SNTG2: variants seen among roughly 807,000 people sequenced by gnomAD.
The protein encoded by SNTG2 is gamma-2-syntrophin.
A neutral mutation model predicts 70.9 loss-of-function variants in SNTG2; 74 were observed. That is an observed-to-expected ratio of 1.04 (90% confidence interval 0.86 to 1.27). SNTG2 has a LOEUF of 1.27. Among genes scored for constraint, SNTG2 ranks in the 50% most tolerant of loss-of-function variants. The pLI, the probability that SNTG2 is intolerant of heterozygous loss-of-function variation, is 0.00. For synonymous variants in SNTG2, 278 were observed against 273.8 expected, an observed-to-expected ratio of 1.02 and a Z score of -0.15; for missense variants, 717 against 690.7, an observed-to-expected ratio of 1.04 and a Z score of -0.43.
At chr2:1,341,401 C>T (rs985012005) in intron 16 of SNTG2, 2 of 152,204 alleles carry the variant, frequency 1.3e-5, no homozygotes, top group South Asian at 2.1e-4. Flanking sequence ...GGCTGAGGCC[C>T]GAATGCCCTC....
chr2:1,196,227 A>G (rs974772210), intron 8 of SNTG2, among the ~76,000 whole-genome samples: 1 of 152,214 alleles, frequency 6.6e-6, no homozygotes, highest in African/African-American at 2.4e-5. Context: ...AATGGATGAT[A>G]TAAAAAATAC....
intron 14 of SNTG2, among the ~76,000 whole-genome samples, chr2:1,304,152 C>T (rs1418318259): frequency 6.6e-6 from 1 of 152,206 alleles, no homozygotes; most frequent in Admixed American, 6.5e-5. Context: ...AGAAAATAAA[C>T]TACAGACCAA....
chr2:1,061,053 C>T (rs567063283), intron 1 of SNTG2, among the ~76,000 whole-genome samples: 1 of 151,918 alleles, frequency 6.6e-6, no homozygotes, highest in Non-Finnish European at 1.5e-5. Flanking sequence ...CAAACTTCAG[C>T]TGAGGAACAT....
At chr2:1,189,713 A>AT (rs1472974600) in intron 8 of SNTG2, among the ~76,000 whole-genome samples, 3 of 151,730 alleles carry the variant, frequency 2.0e-5, no homozygotes, top group Non-Finnish European at 4.4e-5. Flanking sequence ...CGCCCAGCTA[A>AT]TTTTTTTGTA....
chr2:1,190,305 T>C (rs762958525), intron 8 of SNTG2, among the ~76,000 whole-genome samples: 12 of 152,034 alleles, frequency 7.9e-5, no homozygotes, highest in South Asian at 2.1e-4. Flanking sequence ...TAATCATCTG[T>C]AGATTACTTA....
chr2:1,245,482 A>G lies in SNTG2; in HGVS notation c.889-1845A>G, dbSNP rs140330157. ...GTGTTTGCAATTGTTTTTAGTAACT[A>G]TGCTTCAAATGAATCCTATCTTAAA... On this transcript the variant is annotated intron_variant, in intron 11 of 16. Transcript: ENST00000308624. Among the ~76,000 whole-genome samples, 1,029 of 152,330 alleles carry G rather than the reference A, an allele frequency of 6.8e-3. 9 individuals are homozygous for G. Among genetic ancestry groups the G allele is most frequent in the Non-Finnish European group, 0.011 (739 of 68,030 alleles).
intron 9 of SNTG2, among the ~76,000 whole-genome samples, chr2:1,232,765 TTTAAA>T (rs1461401942): frequency 2.0e-5 from 3 of 152,318 alleles, no homozygotes; most frequent in Admixed American, 6.5e-5. Context: ...CAGAGACAGT[TTTAAA>T]ATAAAATATG....
chr2:1,272,867 G>A (rs1679110172), intron 14 of SNTG2, among the ~76,000 whole-genome samples: 1 of 152,164 alleles, frequency 6.6e-6, no homozygotes, highest in Admixed American at 6.5e-5. Context: ...CGGAGAAGGT[G>A]CAGAACTGGA....
chr2:1,318,999 G>A (rs1681410649), intron 16 of SNTG2, among the ~76,000 whole-genome samples: 1 of 152,152 alleles, frequency 6.6e-6, no homozygotes, highest in Non-Finnish European at 1.5e-5. Flanking sequence ...GAGGTTAAAT[G>A]TATTTGTGTT....
At chr2:1,056,098 C>T (rs1364745116) in intron 1 of SNTG2, among the ~76,000 whole-genome samples, 1 of 151,870 alleles carries the variant, frequency 6.6e-6, no homozygotes, top group African/African-American at 2.4e-5. Flanking sequence ...TCCTCTGGCT[C>T]CCATCTTGGT....
At chr2:1,189,159 T>C (rs1672423594) in intron 8 of SNTG2, among the ~76,000 whole-genome samples, 1 of 152,040 alleles carries the variant, frequency 6.6e-6, no homozygotes, top group Admixed American at 6.6e-5. Flanking sequence ...TATTCAAAAA[T>C]AGAAAGCGTA....
At chr2:1,331,601 C>A (rs1478289638) in intron 16 of SNTG2, among the ~76,000 whole-genome samples, 1 of 152,158 alleles carries the variant, frequency 6.6e-6, no homozygotes. Context: ...CCAATGGAAT[C>A]CCAGTTCTTG....
intron 4 of SNTG2, among the ~76,000 whole-genome samples, chr2:1,132,854 C>T (rs1210150776): frequency 6.6e-6 from 1 of 152,234 alleles, no homozygotes; most frequent in African/African-American, 2.4e-5. Context: ...TGCACCTGCC[C>T]CTTCTCTCCT....
chr2:1,154,327 C>G (rs1280894772), intron 6 of SNTG2, among the ~76,000 whole-genome samples: 1 of 152,224 alleles, frequency 6.6e-6, no homozygotes, highest in African/African-American at 2.4e-5. Flanking sequence ...AGTTGTGCTG[C>G]CTGTCCTTCC....
intron 1 of SNTG2, among the ~76,000 whole-genome samples, chr2:959,735 G>T (rs1441266768): frequency 6.6e-6 from 1 of 150,854 alleles, no homozygotes; most frequent in Non-Finnish European, 1.5e-5. Context: ...GTGCCGCTGT[G>T]CAGATGGAGG....
intron 1 of SNTG2, among the ~76,000 whole-genome samples, chr2:1,055,417 C>G (rs1019196694): frequency 1.3e-5 from 2 of 152,162 alleles, no homozygotes; most frequent in African/African-American, 4.8e-5. Context: ...TCACTGGAGG[C>G]TCACGACCTG....
chr2:1,285,125 AG>A lies in SNTG2; in HGVS notation c.1284+17556del, dbSNP rs574959006. On this transcript the variant is annotated intron_variant, in intron 14 of 16. Coordinates refer to ENST00000308624, the MANE Select transcript of SNTG2 (RefSeq NM_018968.4). ...TTCAAGGGCAGGAAGCATCCAGCACAGGAGAAAGATGTAGGCTGGGAGGCTA... is the reference window on the plus strand; with the variant it reads ...TTCAAGGGCAGGAAGCATCCAGCACAGAGAAAGATGTAGGCTGGGAGGCTA... Among the ~76,000 whole-genome samples, 637 of 152,308 alleles carry A rather than the reference AG, an allele frequency of 4.2e-3. 6 individuals carry two copies. Among genetic ancestry groups the A allele is most frequent in the African/African-American group, 0.015 (611 of 41,566 alleles).
chr2:955,030 A>T (rs1660097186), intron 1 of SNTG2, among the ~76,000 whole-genome samples: 2 of 152,168 alleles, frequency 1.3e-5, no homozygotes, highest in South Asian at 4.1e-4. Flanking sequence ...TATTTAGGGG[A>T]TACTGTTCTA....
intron 15 of SNTG2, among the ~76,000 whole-genome samples, chr2:1,316,030 C>A (rs888770691): frequency 6.6e-6 from 1 of 152,108 alleles, no homozygotes; most frequent in African/African-American, 2.4e-5. Context: ...ACATGTGGGG[C>A]AGCTACTGGA....
Sources: allele counts gnomAD v4.1 joint callset (sites outside exome capture counted in the v4.1 genomes callset), GRCh38; gene constraint gnomAD v4.1.1; transcripts MANE v1.5; gene names NCBI Gene and HGNC (gene_info 2026-07-23, HGNC 2026-07-21).